Variants in FBXO16 observed in about 807,000 individuals in gnomAD.
FBXO16 encodes F-box protein 16, also known as F-box only protein 16.
Under a neutral mutation model 41.0 loss-of-function variants are expected in FBXO16, and 31 were observed. The observed-to-expected ratio is 0.76, with a 90% CI of 0.57 to 1.02. The LOEUF (loss-of-function observed/expected upper bound fraction) is 1.02, where lower values mean the gene tolerates loss of function less well. Ranked by LOEUF, FBXO16 falls within the 50% of genes least tolerant of loss-of-function variation. FBXO16 has a pLI of 0.00. For synonymous variants in FBXO16, 133 were observed against 117.8 expected (o/e 1.13, Z -0.84); for missense variants, 361 against 346.2 (o/e 1.04, Z -0.34).
chr8:28,465,380 T>A (rs1291696385), intron 3 of FBXO16: 3 of 451,484 alleles, frequency 6.6e-6, no homozygotes, highest in Non-Finnish European at 1.3e-5. Flanking sequence ...CTCAGCACTT[T>A]GGGAGGCAGA....
intron 7 of FBXO16, among the ~76,000 whole-genome samples, chr8:28,437,015 A>G (rs1224978278): frequency 1.3e-5 from 2 of 152,128 alleles, no homozygotes; most frequent in African/African-American, 4.8e-5. Flanking sequence ...CAGCCTCCCA[A>G]AGTGCTGGGA....
intron 7 of FBXO16, 193 bp downstream of exon 7, chr8:28,446,978 G>A (rs1490290736): frequency 3.8e-5 from 18 of 469,796 alleles, no homozygotes; most frequent in Admixed American, 7.5e-5. Flanking sequence ...TGAGAAAACA[G>A]AGGCTCAGAG....
chr8:28,480,052 T>C (rs991453427), intron 2 of FBXO16, among the ~76,000 whole-genome samples: 33 of 152,054 alleles, frequency 2.2e-4, no homozygotes, highest in Admixed American at 2.0e-3. Flanking sequence ...AGTTTTTCAA[T>C]AGATTTGCTT....
chr8:28,428,702 G>T lies in FBXO16; in HGVS notation c.*25C>A. On this transcript the variant is annotated 3_prime_UTR_variant, in exon 9 of 9. Transcript: ENST00000380254. ...AGGGGGAGGCCAGGCGAGATGAGCTGGAACTTTTAGGGGAGAGCTGGCACT... is the reference window on the plus strand; with the variant it reads ...AGGGGGAGGCCAGGCGAGATGAGCTTGAACTTTTAGGGGAGAGCTGGCACT... The T allele has an allele frequency of 6.4e-7, 1 of 1,573,818 alleles. No individual in the cohort carries two copies. The highest frequency in any genetic ancestry group is 2.3e-5 in the East Asian group (1 of 42,626).
At chr8:28,487,950 T>A (rs1803629493) in intron 1 of FBXO16, among the ~76,000 whole-genome samples, 1 of 151,896 alleles carries the variant, frequency 6.6e-6, no homozygotes, top group Non-Finnish European at 1.5e-5. Context: ...CCTCCCAGGT[T>A]CAAGCAATCC....
rs552349590 is a variant in FBXO16, at chr8:28,479,056, C to T, written c.99+4292G>A. 1.2e-4 allele frequency among the ~76,000 whole-genome samples: 18 copies of T among 152,228 alleles called. No individual in the cohort carries two copies. The South Asian group carries it at 3.3e-3, about 28-fold the overall frequency. ...CCTCCTCCTGCTTTGCCCTCTGCCA[C>T]GATGGAAAGCTCCTTGAGGCCGCCC... On this transcript the variant is annotated intron_variant, in intron 2 of 8. Transcript: ENST00000380254.
intron 1 of FBXO16, 39 bp downstream of exon 1, chr8:28,490,146 AG>A (rs1184588038): frequency 1.3e-5 from 2 of 152,178 alleles, no homozygotes; most frequent in East Asian, 3.9e-4. Flanking sequence ...TTCCAAAGAG[AG>A]AGTCTCCATC....
intron 4 of FBXO16, among the ~76,000 whole-genome samples, chr8:28,459,355 C>T (rs1256650402): frequency 3.3e-5 from 5 of 152,060 alleles, no homozygotes; most frequent in Non-Finnish European, 5.9e-5. Context: ...CAGTGGCTCA[C>T]GCTTGTAATC....
intron 4 of FBXO16, 89 bp from the exon 5 acceptor site, chr8:28,457,019 C>A (rs2130138182): frequency 1.4e-6 from 2 of 1,432,128 alleles, no homozygotes; most frequent in South Asian, 1.5e-5. Flanking sequence ...AGCTGTCATC[C>A]TGGACCTGAG....
chr8:28,463,643 A>G lies in FBXO16; in HGVS notation c.311T>C (p.Leu104Pro). Reference protein sequence around the residue: ...RVLSLYIFSFLDPRSLCRCAQ... With the variant: ...RVLSLYIFSFPDPRSLCRCAQ... ...ACAACGACAAAGGCTCCGAGGGTCC[A>G]GGAAAGAAAAGATGTATAAAGATAA... is the stretch of plus-strand genomic sequence containing the variant. Residue 104 changes from leucine to proline, a missense_variant, in exon 4 of 9, where the codon CTG becomes CCG. Leu to Pro is a moderately conservative substitution (Grantham distance 98). Transcript: ENST00000380254. 1 of 1,614,128 alleles carries G rather than the reference A, an allele frequency of 6.2e-7. No individual in the cohort carries two copies. The highest frequency in any genetic ancestry group is 1.1e-5 in the South Asian group (1 of 91,070).
At chr8:28,480,431 G>A (rs574188716) in intron 2 of FBXO16, among the ~76,000 whole-genome samples, 1 of 152,276 alleles carries the variant, frequency 6.6e-6, no homozygotes, top group African/African-American at 2.4e-5. Flanking sequence ...AGGAAGACAA[G>A]AGTCAATGAA....
intron 7 of FBXO16, among the ~76,000 whole-genome samples, chr8:28,446,082 C>T (rs1210138890): frequency 1.3e-5 from 2 of 151,574 alleles, no homozygotes; most frequent in Admixed American, 6.6e-5. Flanking sequence ...GTCACAATTA[C>T]TGGCTTTATT....
intron 2 of FBXO16, among the ~76,000 whole-genome samples, chr8:28,482,908 G>A (rs908408575): frequency 1.3e-5 from 2 of 152,216 alleles, no homozygotes; most frequent in East Asian, 1.9e-4. Context: ...GAGAACCTGA[G>A]TAATGTGAAT....
At chr8:28,429,265 G>A in intron 8 of FBXO16, 113 bp downstream of exon 8, 9 of 1,200,508 alleles carry the variant, frequency 7.5e-6, no homozygotes, top group South Asian at 2.6e-5. Flanking sequence ...TTATCAGCGT[G>A]AGCCACTGTG....
intron 2 of FBXO16, among the ~76,000 whole-genome samples, chr8:28,480,779 A>G (rs1247011314): frequency 6.6e-6 from 1 of 152,194 alleles, no homozygotes; most frequent in Non-Finnish European, 1.5e-5. Flanking sequence ...TGCTGGGATT[A>G]CAAGTGTGAG....
chr8:28,447,303 C>T (rs1161151689), intron 6 of FBXO16, 30 bp from the exon 7 acceptor site: 14 of 1,577,004 alleles, frequency 8.9e-6, no homozygotes, highest in Non-Finnish European at 1.1e-5. Flanking sequence ...GGGAAAATTA[C>T]AAAGTATCTT....
chr8:28,474,352 A>AAAAAAAAAG (rs1563368937), intron 2 of FBXO16, among the ~76,000 whole-genome samples: 2 of 127,916 alleles, frequency 1.6e-5, no homozygotes, highest in Non-Finnish European at 3.2e-5. Flanking sequence ...AAAAAAAAAA[A>AAAAAAAAAG]AGAGAGAGAA....
At chr8:28,463,932 T>C (rs10112794) in intron 3 of FBXO16, 114 bp from the exon 4 acceptor site, 47,554 of 985,946 alleles carry the variant, frequency 0.048, 2,607 homozygotes, top group African/African-American at 0.25. Context: ...AATTTATTTC[T>C]AGTATTTATT....
In FBXO16 at chr8:28,463,916, T is replaced by G; in HGVS notation, c.136-98A>C. The G allele has an allele frequency of 2.7e-6, 3 of 1,106,202 alleles. No individual in the cohort carries two copies. In the South Asian group the frequency reaches 4.4e-5, roughly 16 times the overall value. The allele number at this position is 1,106,202 out of a possible 1,614,324, so 68.5% of individuals were successfully genotyped here. ...ACATGACAATGGCATAGAAAGGGAGTTTAGTAATTTATTTCTAGTATTTAT... is the reference window on the plus strand; with the variant it reads ...ACATGACAATGGCATAGAAAGGGAGGTTAGTAATTTATTTCTAGTATTTAT... On this transcript the variant is annotated intron_variant, in intron 3 of 8. Coordinates refer to ENST00000380254, the MANE Select transcript of FBXO16 (RefSeq NM_172366.4).
Sources: gnomAD v4.1 joint callset for allele counts (sites outside exome capture counted in the v4.1 genomes callset) on GRCh38, gnomAD v4.1.1 for gene constraint, MANE v1.5 for transcripts, NCBI Gene and HGNC (gene_info 2026-07-23, HGNC 2026-07-21) for gene names.